Variants in PRH1 observed in about 807,000 individuals in gnomAD.
PRH1 encodes the protein proline rich protein HaeIII subfamily 1.
A neutral mutation model predicts 7.9 loss-of-function variants in PRH1; 7 were observed. The ratio of observed to expected loss-of-function variants is 0.89; its 90% CI spans 0.50 to 1.67. PRH1 has a LOEUF of 1.67. PRH1 is among the 40% of genes most tolerant of loss of function. The pLI is 0.00. For missense variants in PRH1, 109 were observed against 223.6 expected (o/e 0.49, Z 3.27); for synonymous variants, 45 against 80.8 (o/e 0.56, Z 2.38).
Position 11,000,525 on chromosome 12 carries a change from T to C in PRH1, c.-125-26804A>G, listed in dbSNP as rs566474287. On this transcript the variant is annotated intron_variant, in intron 1 of 3. Coordinates refer to the PRH1 transcript ENST00000539853. ...TTTCAGATTTTCTACTGGTCTTTGA[T>C]GTCTTGTGACATTTTATGTTAATTT... Among the ~76,000 whole-genome samples the C allele has an allele frequency of 5.3e-5, 8 of 152,290 alleles. No homozygotes were observed. In the East Asian group the frequency reaches 1.3e-3, roughly 26 times the overall value.
intron 1 of PRH1, among the ~76,000 whole-genome samples, chr12:11,148,516 A>C (rs113258719): frequency 6.8e-6 from 1 of 147,526 alleles, no homozygotes; most frequent in Non-Finnish European, 1.5e-5. Context: ...AATTTTGTCA[A>C]AGGCCTTTTC....
chr12:11,048,161 T>TATAGATAGATAGATAG (rs1555147091), upstream of PRH1, among the ~76,000 whole-genome samples: 624 of 139,176 alleles, frequency 4.5e-3, 4 homozygotes, highest in South Asian at 0.012. Flanking sequence ...TGTGTGTGTG[T>TATAGATAGATAGATAG]ATAGATAGAT....
intron 1 of PRH1, among the ~76,000 whole-genome samples, chr12:11,000,247 T>C (rs1940523005): frequency 6.6e-6 from 1 of 152,164 alleles, no homozygotes; most frequent in Non-Finnish European, 1.5e-5. Flanking sequence ...CAGTCAACAT[T>C]CATTTAGAAT....
intron 1 of PRH1, among the ~76,000 whole-genome samples, chr12:11,127,317 A>C (rs2708343): frequency 2.6e-5 from 4 of 152,178 alleles, no homozygotes; most frequent in African/African-American, 9.7e-5. Flanking sequence ...TCCTTGTTTA[A>C]TGTCTCCATA....
At chr12:11,082,989 C>T (rs1238597802) in intron 1 of PRH1, among the ~76,000 whole-genome samples, 21 of 102,118 alleles carry the variant, frequency 2.1e-4, no homozygotes, top group South Asian at 5.2e-4. Context: ...TAAGGCTTAA[C>T]AAAATTATCT....
In PRH1 at chr12:11,061,601, T is replaced by A. The variant is rs769125646; in HGVS notation, n.124-14413A>T. ...ATGGCACATAACAAGAGGAAGGAGG[T>A]CACAGTTTGCAAAGCTTTTATGTGG... On this transcript the variant is annotated intron_variant and non_coding_transcript_variant, in intron 1 of 4. Coordinates refer to the PRH1 transcript ENST00000541977. 5.6e-6 allele frequency: 9 copies of A among 1,613,994 alleles called. No homozygotes were observed. The Admixed American group carries it at 1.5e-4, about 27-fold the overall frequency.
chr12:11,009,477 C>T (rs929961028), intron 1 of PRH1, among the ~76,000 whole-genome samples: 2 of 151,838 alleles, frequency 1.3e-5, no homozygotes, highest in African/African-American at 2.4e-5. Flanking sequence ...TGCTTTTGCC[C>T]CATTTCTCAT....
At chr12:10,973,818 G>A (rs1433499131) in intron 1 of PRH1, 2 of 676,650 alleles carry the variant, frequency 3.0e-6, no homozygotes, top group Non-Finnish European at 5.4e-6. Flanking sequence ...CCAGCACAAG[G>A]AGAGTCTTTA....
rs2136285820 is a variant in PRH1, at chr12:11,102,612, C to A, written n.124-55424G>T. On this transcript the variant is annotated intron_variant and non_coding_transcript_variant, in intron 1 of 4. Transcript: ENST00000541977. ...CCCTAGAAGTAAACCTAGGCAATAC[C>A]ATTCAGGACACAGGCATGGGCAAGG... is the stretch of plus-strand genomic sequence containing the variant. Among the ~76,000 whole-genome samples the A allele has an allele frequency of 2.0e-5, 3 of 152,252 alleles. No homozygotes were observed. The Middle Eastern group carries it at 0.01, about 518-fold the overall frequency.
intron 1 of PRH1, among the ~76,000 whole-genome samples, chr12:11,059,681 T>TATCACTATATA (rs1943506075): frequency 6.7e-6 from 1 of 149,010 alleles, no homozygotes; most frequent in Non-Finnish European, 1.5e-5. Context: ...CAAGACTATA[T>TATCACTATATA]TATTGTCATA....
At chr12:11,080,772 C>A (rs1944471772) in intron 1 of PRH1, among the ~76,000 whole-genome samples, 2 of 39,180 alleles carry the variant, frequency 5.1e-5, no homozygotes, top group South Asian at 8.8e-4. Context: ...TGAAAAATAT[C>A]ATTTTCAATT....
At chr12:10,988,559 A>G (rs770376015) in intron 1 of PRH1, among the ~76,000 whole-genome samples, 9 of 152,150 alleles carry the variant, frequency 5.9e-5, no homozygotes, top group Non-Finnish European at 1.3e-4. Flanking sequence ...AATAATTAAT[A>G]TTCTTTATGG....
At chr12:11,009,334 C>T (rs1940968184) in intron 1 of PRH1, among the ~76,000 whole-genome samples, 1 of 151,742 alleles carries the variant, frequency 6.6e-6, no homozygotes, top group Non-Finnish European at 1.5e-5. Flanking sequence ...TTCAGATTTT[C>T]TATTGGTCTT....
At chr12:10,915,287 T>G (rs1949958230) in intron 2 of PRH1, among the ~76,000 whole-genome samples, 1 of 152,190 alleles carries the variant, frequency 6.6e-6, no homozygotes, top group African/African-American at 2.4e-5. Context: ...CAAGGTAATA[T>G]CAAGGCAGAG....
chr12:10,938,771 G>T (rs765891428), intron 2 of PRH1: 4 of 1,613,320 alleles, frequency 2.5e-6, no homozygotes, highest in Middle Eastern at 1.6e-4. Flanking sequence ...GTTTATCAGT[G>T]CAATATTTAA....
At chr12:10,887,899 C>T (rs1271941596), upstream of PRH1, among the ~76,000 whole-genome samples, 2 of 142,910 alleles carry the variant, frequency 1.4e-5, no homozygotes, top group African/African-American at 4.9e-5. Context: ...CTCTGCTATC[C>T]ACCACTTTCT....
intron 2 of PRH1, chr12:10,938,839 C>G (rs1228790689): frequency 6.2e-7 from 1 of 1,613,512 alleles, no homozygotes; most frequent in Non-Finnish European, 8.5e-7. Context: ...TAACCCTCCA[C>G]TTTAGGTAGA....
chr12:10,979,100 G>A (rs1293402935), intron 1 of PRH1, among the ~76,000 whole-genome samples: 1 of 152,138 alleles, frequency 6.6e-6, no homozygotes, highest in Non-Finnish European at 1.5e-5. Flanking sequence ...GGGCCCACTT[G>A]AAGACGGAGG....
At chr12:11,136,836 T>C (rs1463052808) in intron 1 of PRH1, among the ~76,000 whole-genome samples, 3 of 152,134 alleles carry the variant, frequency 2.0e-5, no homozygotes, top group African/African-American at 7.2e-5. Context: ...GCCTGTGCAA[T>C]ACACCGAAAC....
Sources: gnomAD v4.1 joint callset for allele counts (sites outside exome capture counted in the v4.1 genomes callset) on GRCh38, gnomAD v4.1.1 for gene constraint, MANE v1.5 for transcripts, NCBI Gene and HGNC (gene_info 2026-07-23, HGNC 2026-07-21) for gene names.